Variants in MTA1 observed in about 807,000 individuals in gnomAD.
The protein encoded by MTA1 is metastasis associated 1, also known as metastasis-associated protein MTA1.
Under a neutral mutation model 97.0 loss-of-function variants are expected in MTA1, and 15 were observed. The observed-to-expected ratio is 0.15, with a 90% confidence interval of 0.10 to 0.24. MTA1 has a LOEUF of 0.24. MTA1 is among the 10% of genes least tolerant of loss of function. The pLI is 1.00. For missense variants in MTA1, 709 were observed against 1,015.1 expected (o/e 0.70, Z 4.10); for synonymous variants, 435 against 417.5 (o/e 1.04, Z -0.51).
intron 16 of MTA1, 57 bp from the exon 17 acceptor site, chr14:105,466,369 C>T (rs920655878): frequency 1.7e-5 from 25 of 1,509,602 alleles, no homozygotes; most frequent in Non-Finnish European, 1.9e-5. Flanking sequence ...CCTGGGCCTG[C>T]CTGCCCCTCC....
In MTA1 at chr14:105,456,192, C is replaced by T. The variant is rs587634346; in HGVS notation, c.550+1882C>T. 2.0e-4 allele frequency among the ~76,000 whole-genome samples: 31 copies of T among 152,372 alleles called. No homozygotes were observed. In the South Asian group the frequency reaches 6.2e-3, roughly 31 times the overall value. On this transcript the variant is annotated intron_variant, in intron 7 of 20. Coordinates refer to ENST00000331320, the MANE Select transcript of MTA1 (RefSeq NM_004689.4). ...AAGGTGAAGGCCTGGCAGCCGCACCCAGGTGGAAAGGCAGAGTCCGTGGCT... is the reference window on the plus strand; with the variant it reads ...AAGGTGAAGGCCTGGCAGCCGCACCTAGGTGGAAAGGCAGAGTCCGTGGCT...
chr14:105,464,305 G>C, intron 13 of MTA1, 111 bp from the exon 14 acceptor site: 3 of 1,433,116 alleles, frequency 2.1e-6, no homozygotes, highest in Non-Finnish European at 2.9e-6. Context: ...CTCGGGGAAC[G>C]TGTGGGGGTG....
intron 8 of MTA1, among the ~76,000 whole-genome samples, chr14:105,458,624 T>C (rs2083243754): frequency 6.6e-6 from 1 of 152,040 alleles, no homozygotes; most frequent in Admixed American, 6.5e-5. Context: ...GTGTCCCTAA[T>C]GGGGCTTTCC....
rs1400816668 is a variant in MTA1 at position 105,470,480 on chromosome 14, T to C, written c.*265T>C. ...GAGGGGCCACCCCGTGCCCCTGTGC[T>C]GCGGGGCCTTTTGCCCGGAGGCCGG... On this transcript the variant is annotated 3_prime_UTR_variant, in exon 21 of 21. Transcript: ENST00000331320. The C allele has an allele frequency of 4.9e-6, 2 of 408,364 alleles. No individual in the cohort carries two copies. The highest frequency in any genetic ancestry group is 4.6e-5 in the East Asian group (1 of 21,948). The allele number at this position is 408,364 out of a possible 1,614,324, so 25.3% of individuals were successfully genotyped here.
At chr14:105,437,330 T>G (rs1046952041) in intron 1 of MTA1, among the ~76,000 whole-genome samples, 4 of 142,836 alleles carry the variant, frequency 2.8e-5, no homozygotes, top group Admixed American at 6.9e-5. Context: ...TGCGTCCTCA[T>G]GGGAGTGTCC....
At chr14:105,445,244 G>A (rs782196612) in intron 2 of MTA1, among the ~76,000 whole-genome samples, 174 bp from the exon 3 acceptor site, 93 of 152,230 alleles carry the variant, frequency 6.1e-4, no homozygotes, top group Admixed American at 1.1e-3. Context: ...CGCCACGGGC[G>A]TCCAGAGCTG....
chr14:105,466,270 C>T (rs2083578234), intron 16 of MTA1, 156 bp from the exon 17 acceptor site: 2 of 670,548 alleles, frequency 3.0e-6, no homozygotes, highest in East Asian at 5.5e-5. Context: ...GGTGACCTCC[C>T]CACTTCCAGC....
chr14:105,442,121 G>C (rs1244435616), intron 2 of MTA1, among the ~76,000 whole-genome samples: 1 of 152,182 alleles, frequency 6.6e-6, no homozygotes, highest in South Asian at 2.1e-4. Flanking sequence ...AATAAAGAGG[G>C]GCCCCTTCAA....
At chr14:105,441,709 G>T (rs587762133) in intron 2 of MTA1, among the ~76,000 whole-genome samples, 1 of 152,164 alleles carries the variant, frequency 6.6e-6, no homozygotes, top group African/African-American at 2.4e-5. Context: ...CAGGAGAATG[G>T]CGTGAACCCG....
At position 105,438,694 on chromosome 14, in the gene MTA1, C is replaced by T. The variant is rs1232574059; in HGVS notation, c.51C>T (p.Ser17=). The T allele has an allele frequency of 6.2e-7, 1 of 1,613,392 alleles. No homozygotes were observed. The highest frequency in any genetic ancestry group is 8.5e-7 in the Non-Finnish European group (1 of 1,179,908). Reference sequence around the variant, plus strand: ...CAGACTACGTCTACTTTGAGAACTCCTCCAGCAACCCATACCTGATCCGGA... The same window carrying T: ...CAGACTACGTCTACTTTGAGAACTCTTCCAGCAACCCATACCTGATCCGGA... ...RVGDYVYFEN[S]SSNPYLIRRI... Residue 17 remains serine, a synonymous_variant, in exon 2 of 21, where the codon TCC becomes TCT. Transcript: ENST00000331320.
At chr14:105,448,439 T>G (rs587698256) in intron 3 of MTA1, among the ~76,000 whole-genome samples, 1 of 152,256 alleles carries the variant, frequency 6.6e-6, no homozygotes. Flanking sequence ...GCTGGGTCAG[T>G]GCTCGGATGG....
intron 2 of MTA1, among the ~76,000 whole-genome samples, chr14:105,441,612 G>A: frequency 6.6e-6 from 1 of 152,184 alleles, no homozygotes; most frequent in African/African-American, 2.4e-5. Context: ...GGCTAATACG[G>A]TGAAACTCCG....
chr14:105,460,242 G>T lies in MTA1; in HGVS notation c.654-116G>T, dbSNP rs1259586338. 4.6e-6 allele frequency: 4 copies of T among 862,026 alleles called. No homozygotes were observed. In the African/African-American group the frequency reaches 6.9e-5, roughly 15 times the overall value. 53.4% of individuals were successfully genotyped at this position (862,026 alleles called of 1,614,324 possible). Reference sequence around the variant, plus strand: ...GTCCCTGGCACCTGGGGAGTGGTGTGCCTTGGGGGAGTCCGTGCTGCCCGT... The same window carrying T: ...GTCCCTGGCACCTGGGGAGTGGTGTTCCTTGGGGGAGTCCGTGCTGCCCGT... On this transcript the variant is annotated intron_variant, in intron 8 of 20. Coordinates refer to ENST00000331320, the MANE Select transcript of MTA1 (RefSeq NM_004689.4).
At position 105,424,711 on chromosome 14, in the gene MTA1, G is replaced by A. The variant is rs2081958098; in HGVS notation, c.28+4648G>A. The stretch of plus-strand genomic sequence containing the variant: ...GGGTTTCACCATCTAGGCCAGGCTG[G>A]TCTCGAACTCCTGACCTCAAGTGAT... On this transcript the variant is annotated intron_variant, in intron 1 of 20. Transcript: ENST00000331320. The surrounding 1 kb of genome is among the most constrained non-coding windows in gnomAD (Gnocchi z 4.0). Among the ~76,000 whole-genome samples the A allele has an allele frequency of 6.6e-6, 1 of 150,488 alleles. No homozygotes were observed. Among genetic ancestry groups the A allele is most frequent in the Admixed American group, 6.6e-5 (1 of 15,138 alleles).
chr14:105,441,875 G>C (rs10134836), intron 2 of MTA1, among the ~76,000 whole-genome samples: 1 of 152,164 alleles, frequency 6.6e-6, no homozygotes, highest in Non-Finnish European at 1.5e-5. Context: ...AACAAAGCCC[G>C]TGAATGTTCT....
Position 105,420,126 on chromosome 14 carries a change from G to A in MTA1, c.28+63G>A, listed in dbSNP as rs1296663940. 5.5e-5 allele frequency: 46 copies of A among 829,506 alleles called. No individual in the cohort carries two copies. The highest frequency in any genetic ancestry group is 3.1e-4 in the South Asian group (6 of 19,066). 51.4% of individuals were successfully genotyped at this position (829,506 alleles called of 1,614,324 possible). A position where few individuals can be genotyped will look rare whatever the true frequency, so the allele number is the denominator to read the frequency against. On this transcript the variant is annotated intron_variant, in intron 1 of 20. Coordinates refer to ENST00000331320, the MANE Select transcript of MTA1 (RefSeq NM_004689.4). This position sits in a 1 kb window ranked among gnomAD's most constrained non-coding sequence, Gnocchi z 5.3. ...CCCGCAGCCCCCACCCGCCGCCGCT[G>A]CCGCCTCCCCCGCCCCTCTGCCCCG...
At position 105,470,415 on chromosome 14, in the gene MTA1, G is replaced by GT. The variant is rs2141733560; in HGVS notation, c.*205dup. On this transcript the variant is annotated 3_prime_UTR_variant, in exon 21 of 21. Coordinates refer to ENST00000331320, the MANE Select transcript of MTA1 (RefSeq NM_004689.4). ...ATTCCGAGAATGCCGAGGAGTTGTC[G>GT]TTTTTAGCTTTGTGTTTACTTTTTG... 5.9e-6 allele frequency: 3 copies of GT among 509,612 alleles called. No individual in the cohort carries two copies. The highest frequency in any genetic ancestry group is 4.0e-5 in the East Asian group (1 of 25,310). 31.6% of individuals were successfully genotyped at this position (509,612 alleles called of 1,614,324 possible). A position where few individuals can be genotyped will look rare whatever the true frequency, so the allele number is the denominator to read the frequency against.
intron 1 of MTA1, among the ~76,000 whole-genome samples, chr14:105,437,517 G>A (rs587653433): frequency 2.0e-5 from 3 of 152,080 alleles, no homozygotes; most frequent in South Asian, 2.1e-4. Flanking sequence ...CCTCACTGGC[G>A]TGTCCTCAGG....
In MTA1 at chr14:105,463,879, T is replaced by A; in HGVS notation, c.1077-153T>A. On this transcript the variant is annotated intron_variant, in intron 12 of 20. Transcript: ENST00000331320. The surrounding 1 kb of genome is among the most constrained non-coding windows in gnomAD (Gnocchi z 5.9). ...GACCTCAGCAGTGGCTCCCAGGAAC[T>A]GAAAGGGGAGAAAGGAAGATCCCTG... The A allele has an allele frequency of 1.3e-6, 1 of 760,266 alleles. No individual in the cohort carries two copies. The highest frequency in any genetic ancestry group is 2.3e-6 in the Non-Finnish European group (1 of 441,736). The allele number at this position is 760,266 out of a possible 1,614,324, so 47.1% of individuals were successfully genotyped here. A position where few individuals can be genotyped will look rare whatever the true frequency, so the allele number is the denominator to read the frequency against.
Sources: allele counts gnomAD v4.1 joint callset (sites outside exome capture counted in the v4.1 genomes callset), GRCh38; gene constraint gnomAD v4.1.1; non-coding constraint Gnocchi (gnomAD v3.1); transcripts MANE v1.5; gene names NCBI Gene and HGNC (gene_info 2026-07-23, HGNC 2026-07-21).